IL23R: variants seen among roughly 807,000 people sequenced by gnomAD.
IL23R encodes interleukin 23 receptor.
A neutral mutation model predicts 56.9 loss-of-function variants in IL23R; 34 were observed. The observed-to-expected ratio is 0.60, with a 90% confidence interval of 0.45 to 0.80. IL23R has a LOEUF of 0.80. IL23R is among the 30% of genes least tolerant of loss of function. IL23R has a pLI of 0.00. For missense variants in IL23R, 635 were observed against 730.0 expected (o/e 0.87, Z 1.50); for synonymous variants, 230 against 249.2 (o/e 0.92, Z 0.73).
intron 7 of IL23R, among the ~76,000 whole-genome samples, chr1:67,231,565 G>A (rs1651100570): frequency 1.3e-5 from 2 of 152,066 alleles, no homozygotes; most frequent in South Asian, 4.1e-4. Flanking sequence ...CTTGGACTGA[G>A]TTTCGTTTGA....
chr1:67,150,857 A>G (rs1400294155), intron 1 of IL23R, among the ~76,000 whole-genome samples: 1 of 152,084 alleles, frequency 6.6e-6, no homozygotes, highest in Non-Finnish European at 1.5e-5. Context: ...TCTATCATTG[A>G]TGGGTATTTG....
intron 7 of IL23R, among the ~76,000 whole-genome samples, chr1:67,231,311 A>C (rs1182534074): frequency 6.6e-6 from 1 of 152,248 alleles, no homozygotes; most frequent in Admixed American, 6.5e-5. Flanking sequence ...ACAATGATAT[A>C]CATCCAAAAC....
chr1:67,225,152 A>G, intron 7 of IL23R, among the ~76,000 whole-genome samples: 1 of 152,248 alleles, frequency 6.6e-6, no homozygotes, highest in African/African-American at 2.4e-5. Context: ...TTAGCTAGTA[A>G]TAAAACTATG....
rs11209022 is a variant in IL23R, at chr1:67,219,296, A to G, written c.799-278A>G. Among the ~76,000 whole-genome samples, 429 of 152,230 alleles carry G rather than the reference A, an allele frequency of 2.8e-3. 5 individuals carry two copies. The highest frequency in any genetic ancestry group is 9.8e-3 in the African/African-American group (405 of 41,528). ...GGCAGAAGAATCGCTTGAACCCGGG[A>G]GGCGGAGGTTGCAGTGAACTGAGAT... On this transcript the variant is annotated intron_variant, in intron 6 of 10. Coordinates refer to ENST00000347310, the MANE Select transcript of IL23R (RefSeq NM_144701.3).
chr1:67,228,981 G>T (rs928451200), intron 7 of IL23R, among the ~76,000 whole-genome samples: 5 of 152,096 alleles, frequency 3.3e-5, no homozygotes, highest in South Asian at 2.1e-4. Flanking sequence ...CACAACACAG[G>T]TCACTTCTGT....
intron 9 of IL23R, among the ~76,000 whole-genome samples, chr1:67,251,234 C>T (rs1006943223): frequency 2.1e-4 from 32 of 152,090 alleles, no homozygotes; most frequent in African/African-American, 7.2e-4. Flanking sequence ...AGGCAGATCA[C>T]GAGGTCAGCA....
downstream of IL23R, among the ~76,000 whole-genome samples, chr1:67,262,064 T>C (rs1198416811): frequency 2.0e-5 from 3 of 152,158 alleles, no homozygotes; most frequent in Non-Finnish European, 4.4e-5. Context: ...AGGGGAAAAA[T>C]TCAAGCTGCT....
chr1:67,243,671 G>C (rs1019132637), intron 9 of IL23R, among the ~76,000 whole-genome samples: 18 of 152,156 alleles, frequency 1.2e-4, no homozygotes, highest in African/African-American at 4.1e-4. Context: ...AGTATTCAAT[G>C]ATGTATGTGT....
intron 4 of IL23R, among the ~76,000 whole-genome samples, chr1:67,191,731 CTGA>C (rs1244580344): frequency 2.6e-5 from 4 of 152,310 alleles, no homozygotes; most frequent in Non-Finnish European, 4.4e-5. Context: ...GTCAAAGTCA[CTGA>C]TGATTTCCCC....
chr1:67,206,054 CCAGGCTGGAGTG>C (rs1186979785), intron 5 of IL23R, among the ~76,000 whole-genome samples: 1 of 151,574 alleles, frequency 6.6e-6, no homozygotes, highest in Admixed American at 6.6e-5. Flanking sequence ...GCTCCGCCAC[CCAGGCTGGAGTG>C]CAGTGGCATG....
upstream of IL23R, among the ~76,000 whole-genome samples, chr1:67,165,053 C>T (rs1052339634): frequency 3.3e-5 from 5 of 151,980 alleles, no homozygotes; most frequent in Admixed American, 3.3e-4. Flanking sequence ...ACCAAAACTA[C>T]AAAAAATTAG....
chr1:67,249,069 G>C (rs1021979394), intron 9 of IL23R, among the ~76,000 whole-genome samples: 1 of 152,172 alleles, frequency 6.6e-6, no homozygotes, highest in African/African-American at 2.4e-5. Context: ...CTTCTGCGTT[G>C]ATCTCTCTGG....
At chr1:67,164,488 C>T (rs1371192063), upstream of IL23R, among the ~76,000 whole-genome samples, 8 of 151,966 alleles carry the variant, frequency 5.3e-5, no homozygotes, top group Non-Finnish European at 1.2e-4. Context: ...AAAAAAATTA[C>T]CGGGGCATGG....
At chr1:67,175,746 GAGA>G (rs1646999553) in intron 3 of IL23R, among the ~76,000 whole-genome samples, 1 of 152,206 alleles carries the variant, frequency 6.6e-6, no homozygotes, top group South Asian at 2.1e-4. Flanking sequence ...AAATGTGCAA[GAGA>G]AGAAGATAGT....
intron 8 of IL23R, among the ~76,000 whole-genome samples, chr1:67,237,584 G>A (rs897065915): frequency 1.3e-5 from 2 of 152,160 alleles, no homozygotes; most frequent in Non-Finnish European, 2.9e-5. Context: ...TTCTTTCAAT[G>A]TCCTGGAGTC....
At chr1:67,209,936 A>T (rs951188469) in intron 6 of IL23R, among the ~76,000 whole-genome samples, 3 of 152,226 alleles carry the variant, frequency 2.0e-5, no homozygotes, top group Non-Finnish European at 4.4e-5. Flanking sequence ...GGTGAAATTT[A>T]TATCAGTGAT....
At chr1:67,167,655 T>C (rs1158585331) in intron 1 of IL23R, among the ~76,000 whole-genome samples, 2 of 152,070 alleles carry the variant, frequency 1.3e-5, no homozygotes, top group African/African-American at 2.4e-5. Context: ...GCCCAGGAGT[T>C]TGAGGTTACA....
chr1:67,226,527 C>T (rs184020337), intron 7 of IL23R, among the ~76,000 whole-genome samples: 53 of 152,270 alleles, frequency 3.5e-4, no homozygotes, highest in Middle Eastern at 3.4e-3. Flanking sequence ...CCTTCTCTGC[C>T]GAGCCATTCT....
intron 7 of IL23R, among the ~76,000 whole-genome samples, chr1:67,225,447 A>G (rs1331278775): frequency 6.6e-6 from 1 of 152,076 alleles, no homozygotes; most frequent in Non-Finnish European, 1.5e-5. Context: ...CCAGCTAATT[A>G]TGGGCTATCT....
Sources: allele counts gnomAD v4.1 joint callset (sites outside exome capture counted in the v4.1 genomes callset), GRCh38; gene constraint gnomAD v4.1.1; transcripts MANE v1.5; gene names NCBI Gene and HGNC (gene_info 2026-07-23, HGNC 2026-07-21).